SYN3: variants seen among roughly 807,000 people sequenced by gnomAD.
SYN3 encodes the protein synapsin-3.
SYN3 carries 35 observed loss-of-function variants against 65.8 expected under a neutral mutation model. That is an observed-to-expected ratio of 0.53 (90% CI 0.41 to 0.70). The LOEUF (loss-of-function observed/expected upper bound fraction) is 0.70. Ranked by LOEUF, SYN3 falls within the 30% of genes least tolerant of loss-of-function variation. The pLI is 0.00. For synonymous variants in SYN3, 270 were observed against 292.9 expected (o/e 0.92, Z 0.80); for missense variants, 680 against 749.0 (o/e 0.91, Z 1.08).
intron 3 of SYN3, among the ~76,000 whole-genome samples, chr22:32,948,764 C>T (rs12160160): frequency 0.021 from 1,490 of 69,488 alleles, 24 homozygotes; most frequent in African/African-American, 0.07. Context: ...ATAAGTTCCT[C>T]GGTATGGTTT....
intron 12 of SYN3, among the ~76,000 whole-genome samples, chr22:32,524,684 G>T (rs1460594578): frequency 6.6e-6 from 1 of 152,076 alleles, no homozygotes; most frequent in Non-Finnish European, 1.5e-5. Context: ...ATGGATCAAG[G>T]AGTAATTTAA....
chr22:32,626,805 G>A (rs1312973837), intron 6 of SYN3, among the ~76,000 whole-genome samples: 1 of 152,186 alleles, frequency 6.6e-6, no homozygotes, highest in Non-Finnish European at 1.5e-5. Context: ...TGACAAAGCT[G>A]TCGTTTTATC....
intron 7 of SYN3, among the ~76,000 whole-genome samples, chr22:32,569,571 C>CTCTATATA (rs1205661126): frequency 4.4e-5 from 4 of 90,930 alleles, no homozygotes; most frequent in Admixed American, 1.3e-4. Flanking sequence ...CTCTCTCTCT[C>CTCTATATA]TATATATATA....
chr22:32,646,702 T>C (rs912074942), intron 6 of SYN3, among the ~76,000 whole-genome samples: 2 of 152,034 alleles, frequency 1.3e-5, no homozygotes, highest in East Asian at 3.9e-4. Flanking sequence ...CGGGTTTGAG[T>C]CAAGGATTGA....
intron 6 of SYN3, among the ~76,000 whole-genome samples, chr22:32,614,972 A>C (rs1489803771): frequency 3.8e-5 from 1 of 26,054 alleles, no homozygotes; most frequent in African/African-American, 3.9e-4. Flanking sequence ...CAAATGTTCC[A>C]AAAAAAAAAA....
rs376021247 is a variant in SYN3, at chr22:32,535,784, G to C, written c.993-1889C>G. On this transcript the variant is annotated intron_variant, in intron 9 of 13. Coordinates refer to ENST00000358763, the MANE Select transcript of SYN3 (RefSeq NM_003490.4). ...AGCGTGAGAGTGCTTGGAGAATCGG[G>C]GGGGGGGCCCTGCTCCCCTCCTGCC... 4.9e-3 allele frequency among the ~76,000 whole-genome samples: 752 copies of C among 152,106 alleles called. 2 individuals are homozygous for C. Among genetic ancestry groups the C allele is most frequent in the Non-Finnish European group, 8.5e-3 (576 of 68,002 alleles).
intron 6 of SYN3, among the ~76,000 whole-genome samples, chr22:32,641,607 C>CAAAA (rs34461957): frequency 0.11 from 7,577 of 67,784 alleles, 557 homozygotes; most frequent in Non-Finnish European, 0.15. Flanking sequence ...GACTCCATCT[C>CAAAA]AAAAAAAAAA....
chr22:32,897,521 G>C (rs576004671), intron 4 of SYN3, among the ~76,000 whole-genome samples: 1 of 152,320 alleles, frequency 6.6e-6, no homozygotes, highest in African/African-American at 2.4e-5. Context: ...ATCCTGCAGA[G>C]AAGGCAGCCG....
At chr22:32,695,838 C>A (rs2060729260) in intron 6 of SYN3, among the ~76,000 whole-genome samples, 1 of 151,458 alleles carries the variant, frequency 6.6e-6, no homozygotes. Flanking sequence ...CTCTCTTTTC[C>A]TTTTTTTTTC....
In SYN3 at chr22:32,596,659, G is replaced by C. The variant is rs1419502489; in HGVS notation, c.774+15C>G. On this transcript the variant is annotated intron_variant, in intron 7 of 13. Transcript: ENST00000358763. ...TGGGTGTGTCCACTGTGAGTGGAAG[G>C]GCTGTTTCTCATACCTTTCCCATTC... is the stretch of plus-strand genomic sequence containing the variant. The C allele has an allele frequency of 6.2e-7, 1 of 1,613,602 alleles. No homozygotes were observed. Among genetic ancestry groups the C allele is most frequent in the Non-Finnish European group, 8.5e-7 (1 of 1,179,734 alleles).
chr22:32,945,161 T>C (rs2051066396), intron 3 of SYN3, among the ~76,000 whole-genome samples: 1 of 152,188 alleles, frequency 6.6e-6, no homozygotes. Context: ...AAGCTACCAA[T>C]GACTTTCTTC....
chr22:32,778,215 T>C lies in SYN3; in HGVS notation c.711+86700A>G, dbSNP rs560937702. Among the ~76,000 whole-genome samples the C allele has an allele frequency of 2.7e-3, 405 of 152,338 alleles. 4 individuals carry two copies. The highest frequency in any genetic ancestry group is 9.3e-3 in the African/African-American group (387 of 41,574). Reference sequence around the variant, plus strand: ...AGAAACATTAACTTCTCAGTTTTCATGCCCTCTAAGTGGGAGACAAGGCTA... The same window carrying C: ...AGAAACATTAACTTCTCAGTTTTCACGCCCTCTAAGTGGGAGACAAGGCTA... On this transcript the variant is annotated intron_variant, in intron 6 of 13. Coordinates refer to ENST00000358763, the MANE Select transcript of SYN3 (RefSeq NM_003490.4).
intron 6 of SYN3, among the ~76,000 whole-genome samples, chr22:32,628,167 T>C (rs1322316458): frequency 1.3e-5 from 2 of 152,112 alleles, no homozygotes. Context: ...CTGCACACCC[T>C]CAGCCCTGCT....
rs926534319 is a variant in SYN3, at chr22:32,661,722, C to T, written c.712-64986G>A. 1.4e-4 allele frequency among the ~76,000 whole-genome samples: 21 copies of T among 152,200 alleles called. No individual in the cohort carries two copies. The East Asian group carries it at 3.5e-3, about 25-fold the overall frequency. ...TTCCCCCCACCTTTCTTGTCAACAC[C>T]AACATCCTCAAAGAGCATCTGGAAC... On this transcript the variant is annotated intron_variant, in intron 6 of 13. Transcript: ENST00000358763.
intron 6 of SYN3, among the ~76,000 whole-genome samples, chr22:32,627,706 T>A (rs142398458): frequency 6.8e-4 from 103 of 151,566 alleles, no homozygotes; most frequent in African/African-American, 2.4e-3. Flanking sequence ...AAGACCCCCA[T>A]ACTTATAGAA....
At chr22:32,518,440 A>G in intron 12 of SYN3, 106 bp from the exon 13 acceptor site, 1 of 1,380,612 alleles carries the variant, frequency 7.2e-7, no homozygotes, top group Non-Finnish European at 1.0e-6. Flanking sequence ...AGTGTTTCTT[A>G]TAATGGTGAA....
intron 2 of SYN3, among the ~76,000 whole-genome samples, chr22:32,989,989 T>C (rs1034846811): frequency 6.6e-6 from 1 of 152,204 alleles, no homozygotes; most frequent in Non-Finnish European, 1.5e-5. Context: ...GGCTACATCA[T>C]GCCTTCAGCA....
chr22:32,949,925 G>C (rs1266436277), intron 3 of SYN3, among the ~76,000 whole-genome samples: 1 of 152,212 alleles, frequency 6.6e-6, no homozygotes, highest in Non-Finnish European at 1.5e-5. Context: ...CTTTGACCTT[G>C]AAGCCTGACT....
At chr22:32,547,244 C>T (rs2058349217) in intron 7 of SYN3, among the ~76,000 whole-genome samples, 1 of 152,152 alleles carries the variant, frequency 6.6e-6, no homozygotes, top group Non-Finnish European at 1.5e-5. Context: ...CTTGGCCTCC[C>T]AAAGTGCTGG....
Sources: gnomAD v4.1 joint callset for allele counts (sites outside exome capture counted in the v4.1 genomes callset) on GRCh38, gnomAD v4.1.1 for gene constraint, MANE v1.5 for transcripts, NCBI Gene and HGNC (gene_info 2026-07-23, HGNC 2026-07-21) for gene names.